FANCM: variants seen among roughly 807,000 people sequenced by gnomAD.
FANCM encodes the protein FA complementation group M, also known as Fanconi anemia group M protein.
A neutral mutation model predicts 199.5 loss-of-function variants in FANCM; 140 were observed. The observed-to-expected ratio is 0.70, with a 90% CI of 0.61 to 0.81. FANCM has a LOEUF of 0.81. Among genes scored for constraint, FANCM ranks in the 30% least tolerant of loss-of-function variants. FANCM has a pLI of 0.00. For missense variants in FANCM, 2,410 were observed against 2,421.4 expected, an observed-to-expected ratio of 1.00 and a Z score of 0.10; for synonymous variants, 840 against 836.8, an observed-to-expected ratio of 1.00 and a Z score of -0.07.
intron 9 of FANCM, among the ~76,000 whole-genome samples, 183 bp from the exon 10 acceptor site, chr14:45,164,176 C>A (rs1887797781): frequency 6.6e-6 from 1 of 152,166 alleles, no homozygotes; most frequent in East Asian, 1.9e-4. Flanking sequence ...AGCTCCTGGA[C>A]TCAAGCAATC....
At chr14:45,142,602 G>C (rs912351530) in intron 3 of FANCM, among the ~76,000 whole-genome samples, 1 of 151,838 alleles carries the variant, frequency 6.6e-6, no homozygotes, top group African/African-American at 2.4e-5. Flanking sequence ...CACTGTGCCC[G>C]GCCGCTTCCT....
chr14:45,150,727 A>G (rs1431050), intron 4 of FANCM, among the ~76,000 whole-genome samples: 13,758 of 152,256 alleles, frequency 0.09, 766 homozygotes, highest in South Asian at 0.18. Flanking sequence ...CAAAGACTCT[A>G]CAGCATTATT....
intron 21 of FANCM, among the ~76,000 whole-genome samples, chr14:45,197,133 C>T (rs933350198): frequency 3.3e-5 from 5 of 151,908 alleles, no homozygotes; most frequent in Admixed American, 2.0e-4. Context: ...AATTGTATGG[C>T]GAGCCCTCAA....
At chr14:45,157,752 C>T (rs1237994680) in intron 8 of FANCM, among the ~76,000 whole-genome samples, 1 of 152,188 alleles carries the variant, frequency 6.6e-6, no homozygotes, top group Non-Finnish European at 1.5e-5. Context: ...ACAGCTGCTT[C>T]TTCAAGTCCT....
intron 21 of FANCM, among the ~76,000 whole-genome samples, chr14:45,197,617 A>G (rs1890136621): frequency 6.6e-6 from 1 of 151,526 alleles, no homozygotes; most frequent in Non-Finnish European, 1.5e-5. Flanking sequence ...GGCATGTGCC[A>G]CCATGCCCAG....
At chr14:45,183,662 A>G in intron 16 of FANCM, 112 bp from the exon 17 acceptor site, 1 of 679,868 alleles carries the variant, frequency 1.5e-6, no homozygotes, top group Non-Finnish European at 2.5e-6. Context: ...TTAAGTATTT[A>G]TAACATTAAT....
chr14:45,164,584 A>G lies in FANCM; in HGVS notation c.1788+19A>G, dbSNP rs373941822. 1.5e-5 allele frequency: 24 copies of G among 1,554,040 alleles called. No individual in the cohort carries two copies. Among genetic ancestry groups the G allele is most frequent in the Non-Finnish European group, 1.7e-5 (19 of 1,135,102 alleles). ...GGAACGTGTAAGTAGAGCTGCAGAA[A>G]CACAATTTGACACTTGAAATTTGAG... On this transcript the variant is annotated intron_variant, in intron 10 of 22. Coordinates refer to ENST00000267430, the MANE Select transcript of FANCM (RefSeq NM_020937.4).
At chr14:45,136,740 A>G (rs1224297935) in intron 1 of FANCM, among the ~76,000 whole-genome samples, 1 of 152,194 alleles carries the variant, frequency 6.6e-6, no homozygotes, top group Non-Finnish European at 1.5e-5. Flanking sequence ...TTTTGAAGCT[A>G]TTATGTGCGT....
intron 9 of FANCM, among the ~76,000 whole-genome samples, chr14:45,163,848 A>C (rs1415859432): frequency 1.3e-5 from 2 of 152,208 alleles, no homozygotes; most frequent in African/African-American, 4.8e-5. Flanking sequence ...TACTAAAGCA[A>C]AATAATTAGA....
rs769637841 is a variant in FANCM, at chr14:45,136,432, C to T, written c.401C>T (p.Ser134Leu). 6.2e-7 allele frequency: 1 copy of T among 1,614,080 alleles called. No individual in the cohort carries two copies. The highest frequency in any genetic ancestry group is 1.3e-5 in the African/African-American group (1 of 74,910). Residue 134 changes from serine (S) to leucine (L), a missense_variant, in exon 1 of 23, where the codon TCA (serine) becomes TTA (leucine). Physicochemically the swap from Ser to Leu is moderately radical, Grantham distance 145. Transcript: ENST00000267430. ...VMYNFYRWFPSGKVVFMAPTK... is the reference protein window; with the variant it reads ...VMYNFYRWFPLGKVVFMAPTK... ...TACAATTTCTACCGCTGGTTCCCTT[C>T]AGGAAAGGTGGTCTTCATGGCCCCA...
At position 45,174,095 on chromosome 14, in the gene FANCM, A is replaced by G. The variant is rs563607277; in HGVS notation, c.2316+885A>G. 9.2e-5 allele frequency among the ~76,000 whole-genome samples: 14 copies of G among 152,278 alleles called. No homozygotes were observed. The East Asian group carries it at 2.7e-3, about 29-fold the overall frequency. The stretch of plus-strand genomic sequence containing the variant: ...TAATGCTTATTATATTTATTATTCA[A>G]AAAAGCAGAGGGCCAGGTGCGGTGG... On this transcript the variant is annotated intron_variant, in intron 13 of 22. Coordinates refer to ENST00000267430, the MANE Select transcript of FANCM (RefSeq NM_020937.4).
intron 12 of FANCM, among the ~76,000 whole-genome samples, chr14:45,171,342 C>A (rs1017022830): frequency 3.3e-5 from 5 of 151,034 alleles, no homozygotes; most frequent in African/African-American, 1.2e-4. Context: ...TTTTAAATTT[C>A]AATAGTTTTT....
intron 2 of FANCM, among the ~76,000 whole-genome samples, chr14:45,139,874 G>C (rs756539085): frequency 6.6e-6 from 1 of 152,026 alleles, no homozygotes. Context: ...AGCCCCAGCT[G>C]CTTGGGAGGC....
rs567170000 is a variant in FANCM, at chr14:45,136,605, C to T, written c.508+66C>T. Reference sequence around the variant, plus strand: ...TTCCTGACCCATGTGGAATAGTTCCCAAGCTACAACATGTGCATCTTACGC... The same window carrying T: ...TTCCTGACCCATGTGGAATAGTTCCTAAGCTACAACATGTGCATCTTACGC... On this transcript the variant is annotated intron_variant, in intron 1 of 22. Coordinates refer to ENST00000267430, the MANE Select transcript of FANCM (RefSeq NM_020937.4). 4.8e-6 allele frequency: 7 copies of T among 1,464,044 alleles called. No individual in the cohort carries two copies. In the Admixed American group the frequency reaches 1.2e-4, roughly 25 times the overall value. 90.7% of individuals were successfully genotyped at this position (1,464,044 alleles called of 1,614,324 possible). A position where few individuals can be genotyped will look rare whatever the true frequency, so the allele number is the denominator to read the frequency against.
intron 18 of FANCM, among the ~76,000 whole-genome samples, chr14:45,187,538 TA>T (rs1193450540): frequency 6.6e-6 from 1 of 152,170 alleles, no homozygotes; most frequent in Non-Finnish European, 1.5e-5. Flanking sequence ...GAGAGATAGA[TA>T]AAGCAGGGAA....
chr14:45,181,489 A>T lies in FANCM; in HGVS notation c.4282A>T (p.Lys1428Ter). Residue 1428 changes from lysine to a stop codon, truncating the protein, a stop_gained, in exon 15 of 23, where the codon AAA becomes TAA. Coordinates refer to ENST00000267430, the MANE Select transcript of FANCM (RefSeq NM_020937.4). LOFTEE classifies it high-confidence loss of function. ...EDDEIFRRKV[K>*]RAKGNVLNSP... The stretch of plus-strand genomic sequence containing the variant: ...TGACGAGATTTTCCGAAGAAAAGTT[A>T]AAAGAGCAAAAGGAAATGTTTTAAA... 1 of 1,607,650 alleles carries T rather than the reference A, an allele frequency of 6.2e-7. No individual in the cohort carries two copies. The highest frequency in any genetic ancestry group is 8.5e-7 in the Non-Finnish European group (1 of 1,174,354).
chr14:45,141,113 C>A lies in FANCM; in HGVS notation c.759+404C>A, dbSNP rs531912726. On this transcript the variant is annotated intron_variant, in intron 3 of 22. Transcript: ENST00000267430. ...ACCATCCTGGTTAACACGGTGAAAC[C>A]CGGTGTCTACCAAAAATACAAAAAA... 1.1e-3 allele frequency among the ~76,000 whole-genome samples: 168 copies of A among 151,862 alleles called. 1 individual carries two copies. The highest frequency in any genetic ancestry group is 4.0e-3 in the African/African-American group (164 of 41,410).
In FANCM at chr14:45,148,937, A is replaced by G. The variant is rs569561470; in HGVS notation, c.860A>G (p.Glu287Gly). The change falls in exon 4 of 23, where the codon GAA becomes GGA. Residue 287 changes from glutamate (E) to glycine (G), a missense_variant. Physicochemically the swap from Glu to Gly is moderately conservative, Grantham distance 98 (BLOSUM62 -2). Coordinates refer to ENST00000267430, the MANE Select transcript of FANCM (RefSeq NM_020937.4). ...ACATATTCTCATGAAAGAAAAGTTG[A>G]AAAGCTTATTGTTCCGCTTGGTGAA... is the stretch of plus-strand genomic sequence containing the variant. ...ILTYSHERKV[E>G]KLIVPLGEEL... is the part of the protein sequence containing the mutation. 1.9e-6 allele frequency: 3 copies of G among 1,613,890 alleles called. No homozygotes were observed. In the African/African-American group the frequency reaches 4.0e-5, roughly 22 times the overall value.
At chr14:45,137,800 C>G (rs2139109364) in intron 2 of FANCM, 1 of 159,318 alleles carries the variant, frequency 6.3e-6, no homozygotes, top group South Asian at 1.8e-4. Flanking sequence ...GCCTCTTCTA[C>G]TCAAGGTCCA....
Sources: gnomAD v4.1 joint callset for allele counts (sites outside exome capture counted in the v4.1 genomes callset) on GRCh38, gnomAD v4.1.1 for gene constraint, MANE v1.5 for transcripts, NCBI Gene and HGNC (gene_info 2026-07-23, HGNC 2026-07-21) for gene names.